CCDC191: variants seen among roughly 807,000 people sequenced by gnomAD.
CCDC191 encodes the protein coiled-coil domain containing 191.
CCDC191 carries 99 observed loss-of-function variants against 114.0 expected under a neutral mutation model. The observed-to-expected ratio is 0.87, with a 90% confidence interval of 0.74 to 1.03. The LOEUF (loss-of-function observed/expected upper bound fraction) is 1.03, where lower values mean the gene tolerates loss of function less well. CCDC191 is among the 50% of genes least tolerant of loss of function. The probability of loss-of-function intolerance (pLI) is 0.00; values close to 1 mark genes in which losing one functional copy is unlikely to be tolerated. For missense variants in CCDC191, 973 were observed against 1,087.0 expected (o/e 0.90, Z 1.47); for synonymous variants, 351 against 376.0 (o/e 0.93, Z 0.77).
rs1306912147 is a variant in CCDC191, at chr3:114,042,860, A to G, written c.272-14T>C. 1.3e-6 allele frequency: 2 copies of G among 1,579,730 alleles called. No individual in the cohort carries two copies. The highest frequency in any genetic ancestry group is 3.3e-4 in the Middle Eastern group (2 of 5,982). ...CCAGCTCCTGAGCTACAATAAAACAAAAACATGTTAAGTATTTCAGTTACT... is the reference window on the plus strand; with the variant it reads ...CCAGCTCCTGAGCTACAATAAAACAGAAACATGTTAAGTATTTCAGTTACT... On this transcript the variant is annotated splice_polypyrimidine_tract_variant and intron_variant, in intron 3 of 16. Coordinates refer to ENST00000295878, the MANE Select transcript of CCDC191 (RefSeq NM_020817.2).
At chr3:114,006,482 TG>T (rs944676333) in intron 9 of CCDC191, among the ~76,000 whole-genome samples, 2 of 151,008 alleles carry the variant, frequency 1.3e-5, no homozygotes, top group Non-Finnish European at 2.9e-5. Flanking sequence ...TGGCTACAGC[TG>T]TATGAACCAT....
intron 2 of CCDC191, among the ~76,000 whole-genome samples, chr3:114,050,673 G>A (rs1015337437): frequency 6.6e-6 from 1 of 152,142 alleles, no homozygotes; most frequent in Non-Finnish European, 1.5e-5. Flanking sequence ...TGGCTTGACG[G>A]GAGTCATGGA....
At chr3:114,042,012 A>C (rs2076568821) in intron 4 of CCDC191, among the ~76,000 whole-genome samples, 1 of 152,174 alleles carries the variant, frequency 6.6e-6, no homozygotes, top group African/African-American at 2.4e-5. Flanking sequence ...AAAAACTAGA[A>C]AAGTAATAAC....
In CCDC191 at chr3:114,053,567, CTTT is replaced by C. The variant is rs773891619; in HGVS notation, c.129+27_129+29del. On this transcript the variant is annotated intron_variant, in intron 2 of 16. Transcript: ENST00000295878. ...CTGATTATGCTTGACTCTTAATACT[CTTT>C]TTATTCTAAATTTGAAATATCCTTA... 582 of 1,420,082 alleles carry C rather than the reference CTTT, an allele frequency of 4.1e-4. 3 individuals carry two copies. Among genetic ancestry groups the C allele is most frequent in the South Asian group, 3.7e-4 (30 of 80,898 alleles). 88.0% of individuals were successfully genotyped at this position (1,420,082 alleles called of 1,614,324 possible).
At chr3:113,981,059 C>T (rs533695367) in intron 13 of CCDC191, among the ~76,000 whole-genome samples, 1 of 152,276 alleles carries the variant, frequency 6.6e-6, no homozygotes, top group East Asian at 1.9e-4. Flanking sequence ...AATAATTTCT[C>T]TCTCACCAAG....
At chr3:114,034,885 T>C (rs753074908) in intron 6 of CCDC191, 40 bp downstream of exon 6, 1 of 1,570,326 alleles carries the variant, frequency 6.4e-7, no homozygotes, top group Non-Finnish European at 8.7e-7. Context: ...AATGACTGCT[T>C]AAACAGAGAA....
Position 114,002,458 on chromosome 3 carries a change from ATTTTTCTTCTTCTTGT to A in CCDC191, c.2043_2058del (p.Lys681AsnfsTer5), listed in dbSNP as rs758251611. 6.2e-7 allele frequency: 1 copy of A among 1,603,912 alleles called. No homozygotes were observed. Among genetic ancestry groups the A allele is most frequent in the Non-Finnish European group, 8.5e-7 (1 of 1,175,234 alleles). ...AGTTTGCATTTTGAATCTATTACCA[ATTTTTCTTCTTCTTGT>A]TTTTTCTTCTTCTCTGCCAAGATCC... On this transcript the variant is annotated frameshift_variant, in exon 12 of 17. Coordinates refer to ENST00000295878, the MANE Select transcript of CCDC191 (RefSeq NM_020817.2). LOFTEE classifies it high-confidence loss of function.
rs1450600482 is a variant in CCDC191, at chr3:114,042,694, A to G, written c.415+9T>C. 6.4e-7 allele frequency: 1 copy of G among 1,553,202 alleles called. No individual in the cohort carries two copies. The highest frequency in any genetic ancestry group is 8.6e-7 in the Non-Finnish European group (1 of 1,157,360). Reference sequence around the variant, plus strand: ...TGTTAAAACTTAGAACAATCAGGTAAGTTCTTACCATCAAACTTGTCATAT... The same window carrying G: ...TGTTAAAACTTAGAACAATCAGGTAGGTTCTTACCATCAAACTTGTCATAT... On this transcript the variant is annotated intron_variant, in intron 4 of 16. Transcript: ENST00000295878.
intron 13 of CCDC191, 87 bp from the exon 14 acceptor site, chr3:113,980,880 TG>T: frequency 8.1e-7 from 1 of 1,231,314 alleles, no homozygotes; most frequent in Non-Finnish European, 1.2e-6. Flanking sequence ...AATTTGAACA[TG>T]TAACCATTGA....
chr3:114,009,211 A>C (rs2076025072), intron 9 of CCDC191, among the ~76,000 whole-genome samples: 1 of 152,170 alleles, frequency 6.6e-6, no homozygotes, highest in South Asian at 2.1e-4. Context: ...CAGACTTCAT[A>C]GACATTGTAT....
intron 10 of CCDC191, 34 bp from the exon 11 acceptor site, chr3:114,004,780 A>G (rs1384000857): frequency 1.3e-6 from 2 of 1,593,908 alleles, no homozygotes; most frequent in Non-Finnish European, 1.7e-6. Context: ...AATTTAGACT[A>G]CTAACCAGTT....
chr3:114,055,760 T>TGG (rs2076765255), intron 1 of CCDC191, among the ~76,000 whole-genome samples: 1 of 152,116 alleles, frequency 6.6e-6, no homozygotes, highest in Non-Finnish European at 1.5e-5. Context: ...AAGTTTAAAA[T>TGG]GGGGTTATTA....
intron 13 of CCDC191, among the ~76,000 whole-genome samples, chr3:113,995,459 C>T (rs1358442936): frequency 6.6e-6 from 1 of 152,080 alleles, no homozygotes; most frequent in Non-Finnish European, 1.5e-5. Context: ...ACCAGAATGT[C>T]AGGGATTCCA....
intron 16 of CCDC191, among the ~76,000 whole-genome samples, chr3:113,977,529 CTGTA>C (rs1470886894): frequency 1.3e-5 from 2 of 151,982 alleles, no homozygotes; most frequent in Non-Finnish European, 2.9e-5. Context: ...TAAAACATAA[CTGTA>C]TTTTAAATAT....
At chr3:114,000,657 C>CT (rs919805216) in intron 13 of CCDC191, among the ~76,000 whole-genome samples, 22 of 134,676 alleles carry the variant, frequency 1.6e-4, no homozygotes, top group African/African-American at 4.9e-4. Flanking sequence ...CTCTCTCTCT[C>CT]TTTTTTTTTC....
intron 13 of CCDC191, among the ~76,000 whole-genome samples, chr3:113,999,147 A>C (rs2075800656): frequency 1.3e-5 from 2 of 152,192 alleles, no homozygotes; most frequent in African/African-American, 4.8e-5. Flanking sequence ...GGGCCCAGGA[A>C]TCAAGGGATG....
chr3:113,972,638 G>A (rs1940937575), intron 16 of CCDC191, among the ~76,000 whole-genome samples: 1 of 152,090 alleles, frequency 6.6e-6, no homozygotes, highest in Non-Finnish European at 1.5e-5. Context: ...ATTTTCTTCT[G>A]GATAATTTGT....
chr3:114,027,684 G>A (rs2076344328), intron 7 of CCDC191, among the ~76,000 whole-genome samples: 2 of 149,824 alleles, frequency 1.3e-5, no homozygotes, highest in South Asian at 2.1e-4. Context: ...CTAAACTATA[G>A]CAACTCCTAA....
chr3:114,008,485 A>G (rs1193335957), intron 9 of CCDC191, among the ~76,000 whole-genome samples: 1 of 152,132 alleles, frequency 6.6e-6, no homozygotes, highest in Non-Finnish European at 1.5e-5. Flanking sequence ...TGTCTGAATT[A>G]AGTACTTAAC....
Sources: gnomAD v4.1 joint callset for allele counts (sites outside exome capture counted in the v4.1 genomes callset) on GRCh38, gnomAD v4.1.1 for gene constraint, MANE v1.5 for transcripts, NCBI Gene and HGNC (gene_info 2026-07-23, HGNC 2026-07-21) for gene names.